CLSTN2: variants seen among roughly 807,000 people sequenced by gnomAD.
The protein encoded by CLSTN2 is calsyntenin 2.
A neutral mutation model predicts 101.2 loss-of-function variants in CLSTN2; 48 were observed. The ratio of observed to expected loss-of-function variants is 0.47; its 90% CI spans 0.38 to 0.60. The LOEUF is 0.60. CLSTN2 is among the 20% of genes least tolerant of loss of function. The pLI, the probability that CLSTN2 is intolerant of heterozygous loss-of-function variation, is 0.00. For missense variants in CLSTN2, 1,160 were observed against 1,238.2 expected, an observed-to-expected ratio of 0.94 and a Z score of 0.95; for synonymous variants, 481 against 463.6, an observed-to-expected ratio of 1.04 and a Z score of -0.48.
chr3:140,432,992 T>C (rs1050728195), intron 5 of CLSTN2, among the ~76,000 whole-genome samples: 3 of 152,202 alleles, frequency 2.0e-5, no homozygotes, highest in South Asian at 4.1e-4. Context: ...ATCACTGAGG[T>C]TAATACACTT....
intron 2 of CLSTN2, among the ~76,000 whole-genome samples, chr3:140,273,701 C>G (rs565270741): frequency 2.0e-4 from 31 of 152,206 alleles, no homozygotes; most frequent in Middle Eastern, 3.4e-3. Context: ...CCTCGTCAGC[C>G]AACAGAAGCA....
chr3:140,501,570 C>G (rs893078946), intron 8 of CLSTN2, among the ~76,000 whole-genome samples: 1 of 152,142 alleles, frequency 6.6e-6, no homozygotes, highest in Non-Finnish European at 1.5e-5. Flanking sequence ...AAATTTATAA[C>G]CATAGAAAGC....
At chr3:140,125,884 G>A (rs1309456113) in intron 1 of CLSTN2, among the ~76,000 whole-genome samples, 1 of 152,114 alleles carries the variant, frequency 6.6e-6, no homozygotes, top group Non-Finnish European at 1.5e-5. Context: ...GGACTAAGCT[G>A]AAAAAGGAAG....
At chr3:140,366,857 G>T (rs527403053) in intron 2 of CLSTN2, among the ~76,000 whole-genome samples, 1 of 152,338 alleles carries the variant, frequency 6.6e-6, no homozygotes, top group South Asian at 2.1e-4. Flanking sequence ...AAATGTTGAA[G>T]AGCCGATGTC....
At chr3:140,171,908 ATGTG>A (rs564965179) in intron 1 of CLSTN2, among the ~76,000 whole-genome samples, 8 of 130,284 alleles carry the variant, frequency 6.1e-5, no homozygotes, top group South Asian at 4.5e-4. Context: ...ATTATATATT[ATGTG>A]TGTGTGTGTG....
At chr3:140,357,572 C>T (rs1294336545) in intron 2 of CLSTN2, among the ~76,000 whole-genome samples, 7 of 152,100 alleles carry the variant, frequency 4.6e-5, no homozygotes, top group Non-Finnish European at 7.4e-5. Context: ...TAGCACTCGC[C>T]CTGTTGACCC....
intron 4 of CLSTN2, among the ~76,000 whole-genome samples, chr3:140,409,575 A>G (rs2088340488): frequency 6.6e-6 from 1 of 152,226 alleles, no homozygotes; most frequent in African/African-American, 2.4e-5. Context: ...AATCCAGTTC[A>G]TAAAGTCTGG....
chr3:140,313,744 G>A (rs1321809720), intron 2 of CLSTN2, among the ~76,000 whole-genome samples: 1 of 152,182 alleles, frequency 6.6e-6, no homozygotes, highest in Non-Finnish European at 1.5e-5. Flanking sequence ...AAAAAGTCCA[G>A]ACATCATAAT....
intron 2 of CLSTN2, among the ~76,000 whole-genome samples, chr3:140,260,361 G>A (rs946984717): frequency 4.0e-5 from 6 of 151,742 alleles, no homozygotes; most frequent in African/African-American, 1.4e-4. Flanking sequence ...TTTCCCAGAC[G>A]CTCTTTATGA....
chr3:140,386,290 A>G (rs1361771527), intron 2 of CLSTN2, among the ~76,000 whole-genome samples: 1 of 152,162 alleles, frequency 6.6e-6, no homozygotes, highest in African/African-American at 2.4e-5. Context: ...AGTCATTCCA[A>G]TTACAATTCC....
At chr3:140,421,009 T>C in intron 4 of CLSTN2, 116 bp from the exon 5 acceptor site, 1 of 1,070,886 alleles carries the variant, frequency 9.3e-7, no homozygotes, top group Non-Finnish European at 1.3e-6. Context: ...TACAAAGAGA[T>C]AAGGAAAAGG....
At chr3:140,469,196 T>G (rs1319862902) in intron 8 of CLSTN2, among the ~76,000 whole-genome samples, 1 of 152,154 alleles carries the variant, frequency 6.6e-6, no homozygotes, top group African/African-American at 2.4e-5. Context: ...GGGGGTTAGG[T>G]TTTCAAAATA....
intron 1 of CLSTN2, among the ~76,000 whole-genome samples, chr3:140,117,756 G>T (rs1161807700): frequency 2.6e-5 from 4 of 152,216 alleles, no homozygotes; most frequent in Non-Finnish European, 5.9e-5. Flanking sequence ...GGCAGATGCA[G>T]TTATGCCCAT....
intron 1 of CLSTN2, among the ~76,000 whole-genome samples, chr3:140,094,474 T>C (rs2008834631): frequency 6.6e-6 from 1 of 152,254 alleles, no homozygotes; most frequent in Non-Finnish European, 1.5e-5. Context: ...GGCTGATTCC[T>C]TTAACTCTTG....
intron 1 of CLSTN2, 79 bp from the exon 2 acceptor site, chr3:140,175,872 A>G: frequency 2.9e-6 from 4 of 1,378,342 alleles, no homozygotes; most frequent in Middle Eastern, 1.8e-4. Context: ...TTGGGCAAAT[A>G]TACAATCTTA....
chr3:140,202,361 G>A (rs756842941), intron 2 of CLSTN2, among the ~76,000 whole-genome samples: 1 of 152,180 alleles, frequency 6.6e-6, no homozygotes, highest in African/African-American at 2.4e-5. Context: ...GGAAGGCCGA[G>A]CTAACAGGAT....
At chr3:140,547,981 A>G (rs1267114030) in intron 10 of CLSTN2, among the ~76,000 whole-genome samples, 1 of 152,190 alleles carries the variant, frequency 6.6e-6, no homozygotes, top group Non-Finnish European at 1.5e-5. Context: ...AGCTGGCCTA[A>G]CATCCTTGAC....
intron 1 of CLSTN2, among the ~76,000 whole-genome samples, chr3:139,994,334 T>G (rs1181917760): frequency 6.6e-6 from 1 of 152,198 alleles, no homozygotes; most frequent in African/African-American, 2.4e-5. Context: ...TTTCAAGCTT[T>G]TTGTCATAAT....
chr3:140,340,841 C>T (rs2087484800), intron 2 of CLSTN2, among the ~76,000 whole-genome samples: 1 of 152,134 alleles, frequency 6.6e-6, no homozygotes, highest in Non-Finnish European at 1.5e-5. Context: ...CTCAGGCCTC[C>T]TTGTTTTTGA....
Sources: gnomAD v4.1 joint callset for allele counts (sites outside exome capture counted in the v4.1 genomes callset) on GRCh38, gnomAD v4.1.1 for gene constraint, MANE v1.5 for transcripts, NCBI Gene and HGNC (gene_info 2026-07-23, HGNC 2026-07-21) for gene names.